Variants in MAPRE3 observed in about 807,000 individuals in gnomAD.
MAPRE3 encodes the protein microtubule associated protein RP/EB family member 3.
Under a neutral mutation model 30.5 loss-of-function variants are expected in MAPRE3, and 2 were observed. The ratio of observed to expected loss-of-function variants is 0.07; its 90% CI spans 0.03 to 0.21. The LOEUF (loss-of-function observed/expected upper bound fraction) is 0.21, where lower values mean the gene tolerates loss of function less well. Ranked by LOEUF, MAPRE3 falls within the 10% of genes least tolerant of loss-of-function variation. The pLI, the probability that MAPRE3 is intolerant of heterozygous loss-of-function variation, is 1.00. For missense variants in MAPRE3, 204 were observed against 351.8 expected, an observed-to-expected ratio of 0.58 and a Z score of 3.36; for synonymous variants, 110 against 127.7, an observed-to-expected ratio of 0.86 and a Z score of 0.93.
intron 1 of MAPRE3, among the ~76,000 whole-genome samples, chr2:26,974,521 G>C (rs1044529954): frequency 3.9e-5 from 6 of 152,204 alleles, no homozygotes; most frequent in Non-Finnish European, 8.8e-5. Flanking sequence ...GGGCTGAGAG[G>C]AGGAGCGTGC....
chr2:27,001,459 T>C (rs1348332033), intron 1 of MAPRE3, among the ~76,000 whole-genome samples: 1 of 152,144 alleles, frequency 6.6e-6, no homozygotes, highest in Non-Finnish European at 1.5e-5. Context: ...TGAGCCATGA[T>C]TGTACCACTG....
In MAPRE3 at chr2:27,026,490, C is replaced by A. The variant is rs1018011562; in HGVS notation, c.*142C>A. On this transcript the variant is annotated 3_prime_UTR_variant, in exon 7 of 7. Transcript: ENST00000233121. Reference sequence around the variant, plus strand: ...GCACTGGGGAGCCAGGCGAGGGGGGCTTGGGGGCATGGGGCCGGAAAGCAG... The same window carrying A: ...GCACTGGGGAGCCAGGCGAGGGGGGATTGGGGGCATGGGGCCGGAAAGCAG... The A allele has an allele frequency of 4.3e-6, 3 of 693,856 alleles. No individual in the cohort carries two copies. Among genetic ancestry groups the A allele is most frequent in the Non-Finnish European group, 4.7e-6 (2 of 428,294 alleles). 43.0% of individuals were successfully genotyped at this position (693,856 alleles called of 1,614,324 possible). A position where few individuals can be genotyped will look rare whatever the true frequency, so the allele number is the denominator to read the frequency against.
At chr2:26,984,092 A>T (rs1369902770) in intron 1 of MAPRE3, among the ~76,000 whole-genome samples, 1 of 152,252 alleles carries the variant, frequency 6.6e-6, no homozygotes, top group Non-Finnish European at 1.5e-5. Context: ...TCCATGCATT[A>T]GCTTTCCCAT....
In MAPRE3 at chr2:27,026,304, G is replaced by A. The variant is rs780447671; in HGVS notation, c.802G>A (p.Asp268Asn). ...GGAAGGATTCGCACCCCCTGAGGAC[G>A]ATGAGATTGAAGAGCATCAACAAGA... ...TEEGFAPPED[D>N]EIEEHQQEDQ... The change falls in exon 7 of 7, where the codon GAT becomes AAT. Residue 268 changes from aspartate (D) to asparagine (N), a missense_variant. Asp to Asn is a conservative substitution (Grantham distance 23, BLOSUM62 1). Transcript: ENST00000233121. 5 of 1,614,026 alleles carry A rather than the reference G, an allele frequency of 3.1e-6. No individual in the cohort carries two copies. Among genetic ancestry groups the A allele is most frequent in the East Asian group, 2.2e-5 (1 of 44,880 alleles).
At chr2:27,017,595 T>C (rs556354429) in intron 1 of MAPRE3, among the ~76,000 whole-genome samples, 10 of 152,226 alleles carry the variant, frequency 6.6e-5, no homozygotes, top group Non-Finnish European at 1.3e-4. Context: ...AGTTGTGTTC[T>C]AAACTCCAGG....
chr2:26,996,309 C>A (rs1391218197), intron 1 of MAPRE3, among the ~76,000 whole-genome samples: 1 of 151,972 alleles, frequency 6.6e-6, no homozygotes, highest in Non-Finnish European at 1.5e-5. Context: ...TGTGCACCAC[C>A]TTGCCCCACT....
chr2:26,978,488 T>G (rs1666056714), intron 1 of MAPRE3, among the ~76,000 whole-genome samples: 1 of 152,182 alleles, frequency 6.6e-6, no homozygotes, highest in Admixed American at 6.5e-5. Context: ...GACTCTGATT[T>G]GGTCCTTGAT....
chr2:27,026,178 C>T, intron 6 of MAPRE3, 102 bp from the exon 7 acceptor site: 1 of 1,362,630 alleles, frequency 7.3e-7, no homozygotes, highest in Non-Finnish European at 1.0e-6. Context: ...ATTAGCAGGG[C>T]TCCTGGACTC....
chr2:26,981,863 A>G (rs1477771931), intron 1 of MAPRE3, among the ~76,000 whole-genome samples: 1 of 151,472 alleles, frequency 6.6e-6, no homozygotes, highest in Non-Finnish European at 1.5e-5. Context: ...TTGACAGTCG[A>G]CTCTTAGATG....
Position 27,026,408 on chromosome 2 carries a change from C to T in MAPRE3, c.*60C>T. ...CCCGTGCCTCCCTCCCTGCTCCACT[C>T]CCACATTATAGTCCTTTCCTAACAC... On this transcript the variant is annotated 3_prime_UTR_variant, in exon 7 of 7. Coordinates refer to ENST00000233121, the MANE Select transcript of MAPRE3 (RefSeq NM_012326.4). 1 of 1,390,622 alleles carries T rather than the reference C, an allele frequency of 7.2e-7. No individual in the cohort carries two copies. The highest frequency in any genetic ancestry group is 1.0e-6 in the Non-Finnish European group (1 of 989,350). 86.1% of individuals were successfully genotyped at this position (1,390,622 alleles called of 1,614,324 possible).
chr2:26,996,649 G>C (rs893051645), intron 1 of MAPRE3, among the ~76,000 whole-genome samples: 2 of 152,172 alleles, frequency 1.3e-5, no homozygotes, highest in Admixed American at 1.3e-4. Context: ...AATTAGCCGG[G>C]CGCCGTGGTG....
intron 1 of MAPRE3, among the ~76,000 whole-genome samples, chr2:26,999,025 G>T (rs910559270): frequency 1.3e-5 from 2 of 152,160 alleles, no homozygotes; most frequent in Admixed American, 6.5e-5. Flanking sequence ...AAGGAGGAGA[G>T]CATTCCAGTA....
At chr2:27,023,513 G>A in intron 3 of MAPRE3, 36 bp downstream of exon 3, 1 of 1,611,970 alleles carries the variant, frequency 6.2e-7, no homozygotes, top group South Asian at 1.1e-5. Flanking sequence ...CTGAGGAGCA[G>A]TGTGACCCTG....
intron 1 of MAPRE3, among the ~76,000 whole-genome samples, chr2:27,019,062 C>T (rs2148225688): frequency 1.3e-5 from 2 of 151,922 alleles, no homozygotes; most frequent in South Asian, 4.2e-4. Flanking sequence ...GATTACAGGC[C>T]TGGCTAATTT....
intron 4 of MAPRE3, among the ~76,000 whole-genome samples, chr2:27,025,249 G>A (rs527279258): frequency 2.6e-5 from 4 of 152,234 alleles, no homozygotes; most frequent in African/African-American, 9.6e-5. Context: ...AGAGGGTCCC[G>A]CACCCTTCCA....
Position 26,999,782 on chromosome 2 carries a change from G to A in MAPRE3, c.-7-22430G>A, listed in dbSNP as rs183741911. ...CTCCCAAAGTGCTGGGATTACAGGC[G>A]TGAGCTACTGTGCCCAGCCCAACTA... On this transcript the variant is annotated intron_variant, in intron 1 of 6. Transcript: ENST00000233121. Among the ~76,000 whole-genome samples, 20 of 152,062 alleles carry A rather than the reference G, an allele frequency of 1.3e-4. No homozygotes were observed. The East Asian group carries it at 3.9e-3, about 29-fold the overall frequency.
intron 1 of MAPRE3, among the ~76,000 whole-genome samples, chr2:27,008,909 G>C (rs1207944960): frequency 6.6e-6 from 1 of 152,124 alleles, no homozygotes; most frequent in Non-Finnish European, 1.5e-5. Flanking sequence ...AACTTGGATG[G>C]AAGTTAAAGG....
At chr2:27,002,250 A>T (rs1301148479) in intron 1 of MAPRE3, 3 of 152,184 alleles carry the variant, frequency 2.0e-5, no homozygotes, top group Non-Finnish European at 4.4e-5. Context: ...GATGTGTCAC[A>T]ATTTATTTAA....
intron 1 of MAPRE3, among the ~76,000 whole-genome samples, chr2:27,006,202 A>AC (rs548688982): frequency 9.5e-4 from 145 of 151,936 alleles, no homozygotes; most frequent in African/African-American, 3.4e-3. Flanking sequence ...ACAAAAACAA[A>AC]AACAAAAAAA....
Sources: allele counts gnomAD v4.1 joint callset (sites outside exome capture counted in the v4.1 genomes callset), GRCh38; gene constraint gnomAD v4.1.1; transcripts MANE v1.5; gene names NCBI Gene and HGNC (gene_info 2026-07-23, HGNC 2026-07-21).